CDH4: variants seen among roughly 807,000 people sequenced by gnomAD.
CDH4 encodes cadherin-4.
CDH4 carries 33 observed loss-of-function variants against 86.0 expected under a neutral mutation model. That is an observed-to-expected ratio of 0.38 (90% CI 0.29 to 0.51). The LOEUF is 0.51. CDH4 is among the 20% of genes least tolerant of loss of function. The pLI, the probability that CDH4 is intolerant of heterozygous loss-of-function variation, is 0.86. For missense variants in CDH4, 1,114 were observed against 1,307.4 expected, an observed-to-expected ratio of 0.85 and a Z score of 2.28; for synonymous variants, 555 against 549.4, an observed-to-expected ratio of 1.01 and a Z score of -0.14.
intron 2 of CDH4, among the ~76,000 whole-genome samples, chr20:61,412,021 C>G (rs2085122382): frequency 6.6e-6 from 1 of 152,216 alleles, no homozygotes; most frequent in South Asian, 2.1e-4. Context: ...GAGCCAGGAT[C>G]AAGGCCGACT....
At position 61,834,988 on chromosome 20, in the gene CDH4, C is replaced by T. The variant is rs75590639; in HGVS notation, c.577-9680C>T. ...ACACCGCTGGAGGCTGGTGCTGTGT[C>T]GTCACAGACCGGCTTCCTAAGCTTA... is the stretch of plus-strand genomic sequence containing the variant. On this transcript the variant is annotated intron_variant, in intron 4 of 15. Transcript: ENST00000614565. 7.0e-3 allele frequency among the ~76,000 whole-genome samples: 1,070 copies of T among 152,338 alleles called. 5 individuals are homozygous for T. The highest frequency in any genetic ancestry group is 0.014 in the South Asian group (70 of 4,832).
intron 2 of CDH4, among the ~76,000 whole-genome samples, chr20:61,657,197 G>A (rs2087201579): frequency 6.6e-6 from 1 of 152,180 alleles, no homozygotes; most frequent in Non-Finnish European, 1.5e-5. Flanking sequence ...TCCTCTTCAG[G>A]AGTCAGATCT....
At chr20:61,665,955 G>A (rs1195485780) in intron 2 of CDH4, among the ~76,000 whole-genome samples, 1 of 152,198 alleles carries the variant, frequency 6.6e-6, no homozygotes, top group Non-Finnish European at 1.5e-5. Context: ...GCGTTGGAAG[G>A]TTGGTTCCTG....
intron 4 of CDH4, among the ~76,000 whole-genome samples, chr20:61,838,294 G>A (rs1177294137): frequency 2.6e-5 from 4 of 152,172 alleles, no homozygotes; most frequent in African/African-American, 9.7e-5. Flanking sequence ...GCCTAGAGAA[G>A]GGTGTGGAGG....
chr20:61,883,166 C>G (rs556208850), intron 7 of CDH4, among the ~76,000 whole-genome samples: 2 of 152,056 alleles, frequency 1.3e-5, no homozygotes, highest in South Asian at 4.2e-4. Context: ...GCATTCCTCC[C>G]GAGACCTCCA....
At chr20:61,740,475 T>C (rs2088319619) in intron 2 of CDH4, 2 of 152,240 alleles carry the variant, frequency 1.3e-5, no homozygotes, top group African/African-American at 4.8e-5. Flanking sequence ...ACTTGCCTTA[T>C]TGCTCTTTCC....
At position 61,810,708 on chromosome 20, in the gene CDH4, G is replaced by A. The variant is rs1025226137; in HGVS notation, c.577-33960G>A. ...TTTTGGAAAAAATCAGTACTCTGCC[G>A]CTAGATGACGTGTAGCCGCATTCAG... On this transcript the variant is annotated intron_variant, in intron 4 of 15. Transcript: ENST00000614565. The surrounding 1 kb of genome is among the most constrained non-coding windows in gnomAD (Gnocchi z 4.3). 2.6e-5 allele frequency among the ~76,000 whole-genome samples: 4 copies of A among 152,298 alleles called. No individual in the cohort carries two copies. The highest frequency in any genetic ancestry group is 1.9e-4 in the East Asian group (1 of 5,184).
chr20:61,707,985 C>G (rs575938005), intron 2 of CDH4, among the ~76,000 whole-genome samples: 1 of 152,270 alleles, frequency 6.6e-6, no homozygotes, highest in South Asian at 2.1e-4. Flanking sequence ...AAGGCGGCCA[C>G]CAGGCTTTGG....
chr20:61,848,398 G>T (rs1982556893), intron 5 of CDH4, among the ~76,000 whole-genome samples: 1 of 152,228 alleles, frequency 6.6e-6, no homozygotes, highest in Non-Finnish European at 1.5e-5. Flanking sequence ...TTGAGACAGG[G>T]TCTCGCTCTG....
intron 4 of CDH4, among the ~76,000 whole-genome samples, chr20:61,779,718 A>G (rs1978436776): frequency 2.0e-5 from 3 of 152,244 alleles, no homozygotes; most frequent in Admixed American, 1.3e-4. Flanking sequence ...GAAAGGGCAC[A>G]TGGCTGCCCT....
chr20:61,562,976 G>C (rs941942336), intron 2 of CDH4, among the ~76,000 whole-genome samples: 12 of 152,164 alleles, frequency 7.9e-5, no homozygotes, highest in African/African-American at 2.2e-4. Context: ...AGCACGGCTG[G>C]GTCCAGGGGC....
At chr20:61,571,924 A>G (rs1211596908) in intron 2 of CDH4, among the ~76,000 whole-genome samples, 1 of 151,934 alleles carries the variant, frequency 6.6e-6, no homozygotes, top group African/African-American at 2.4e-5. Flanking sequence ...TTTTGTTCCC[A>G]TGTTTCAGAG....
chr20:61,706,777 C>A (rs553929510), intron 2 of CDH4, among the ~76,000 whole-genome samples: 108 of 152,306 alleles, frequency 7.1e-4, no homozygotes, highest in African/African-American at 2.5e-3. Flanking sequence ...GGAACTGGCT[C>A]GGGCAGGACG....
intron 7 of CDH4, among the ~76,000 whole-genome samples, chr20:61,885,147 C>CT (rs1287944395): frequency 2.0e-5 from 3 of 152,096 alleles, no homozygotes; most frequent in African/African-American, 7.2e-5. Context: ...CACGTTCGTG[C>CT]CTGTGCCTTG....
chr20:61,615,759 T>C (rs984670975), intron 2 of CDH4, among the ~76,000 whole-genome samples: 1 of 152,220 alleles, frequency 6.6e-6, no homozygotes, highest in East Asian at 1.9e-4. Flanking sequence ...AATCAGCATG[T>C]ATAAAAGTGA....
At chr20:61,340,428 G>T (rs2084643963) in intron 2 of CDH4, among the ~76,000 whole-genome samples, 1 of 152,180 alleles carries the variant, frequency 6.6e-6, no homozygotes, top group African/African-American at 2.4e-5. Context: ...ATCTGTCGGA[G>T]ATATTTTGCT....
intron 2 of CDH4, among the ~76,000 whole-genome samples, chr20:61,602,601 G>A (rs2086610103): frequency 6.6e-6 from 1 of 150,866 alleles, no homozygotes; most frequent in African/African-American, 2.4e-5. Context: ...AGGAGCAGAG[G>A]GAAGCTCATT....
intron 2 of CDH4, among the ~76,000 whole-genome samples, chr20:61,426,620 G>C (rs2427093): frequency 0.64 from 97,222 of 152,148 alleles, 32,311 homozygotes; most frequent in African/African-American, 0.83. Flanking sequence ...CGGAAATTCT[G>C]CATCAGAATA....
rs142105658 is a variant in CDH4, at chr20:61,869,472, G to A, written c.878-4256G>A. ...TGTCTGCTGGACCCTGGAGGAGAGC[G>A]TGGCTGCTTTCAGTCTGGGTCTAGC... On this transcript the variant is annotated intron_variant, in intron 6 of 15. Transcript: ENST00000614565. Among the ~76,000 whole-genome samples, 479 of 152,336 alleles carry A rather than the reference G, an allele frequency of 3.1e-3. 1 individual carries two copies. Among genetic ancestry groups the A allele is most frequent in the Middle Eastern group, 6.8e-3 (2 of 294 alleles).
Sources: allele counts gnomAD v4.1 joint callset (sites outside exome capture counted in the v4.1 genomes callset), GRCh38; gene constraint gnomAD v4.1.1; non-coding constraint Gnocchi (gnomAD v3.1); transcripts MANE v1.5; gene names NCBI Gene and HGNC (gene_info 2026-07-23, HGNC 2026-07-21).